NSD2: variants seen among roughly 807,000 people sequenced by gnomAD.
The protein encoded by NSD2 is nuclear receptor binding SET domain protein 2, also known as histone-lysine N-methyltransferase NSD2.
Under a neutral mutation model 139.0 loss-of-function variants are expected in NSD2, and 12 were observed. The observed-to-expected ratio is 0.09, with a 90% CI of 0.06 to 0.14. The LOEUF is 0.14. Among genes scored for constraint, NSD2 ranks in the 10% least tolerant of loss-of-function variants. NSD2 has a pLI of 1.00. For synonymous variants in NSD2, 669 were observed against 648.7 expected (o/e 1.03, Z -0.48); for missense variants, 1,155 against 1,745.0 (o/e 0.66, Z 6.02).
Position 1,948,038 on chromosome 4 carries a change from A to G in NSD2, c.1882-3034A>G. 1.9e-6 allele frequency: 2 copies of G among 1,056,538 alleles called. No individual in the cohort carries two copies. The highest frequency in any genetic ancestry group is 2.3e-6 in the Non-Finnish European group (2 of 873,638). The allele number at this position is 1,056,538 out of a possible 1,614,324, so 65.4% of individuals were successfully genotyped here. On this transcript the variant is annotated intron_variant, in intron 9 of 21. Transcript: ENST00000508803. The surrounding 1 kb of genome is among the most constrained non-coding windows in gnomAD (Gnocchi z 4.5). ...TAATATCATCTTGAAAAGTCCCTGT[A>G]ATAGATCAAGGAGACTGCATTCCCT...
intron 1 of NSD2, among the ~76,000 whole-genome samples, chr4:1,887,320 GTTC>G (rs774539765): frequency 3.0e-4 from 45 of 152,178 alleles, no homozygotes; most frequent in Non-Finnish European, 4.6e-4. Context: ...CTTTTGACAT[GTTC>G]TTCTTTTTTT....
At chr4:1,901,313 T>C (rs921019531) in intron 2 of NSD2, 62 bp downstream of exon 2, 3 of 1,384,476 alleles carry the variant, frequency 2.2e-6, no homozygotes, top group African/African-American at 2.9e-5. Context: ...GGCCACCCTA[T>C]GAGGGCACCT....
intron 3 of NSD2, among the ~76,000 whole-genome samples, chr4:1,910,582 A>G (rs1718535921): frequency 6.6e-6 from 1 of 152,142 alleles, no homozygotes; most frequent in African/African-American, 2.4e-5. Flanking sequence ...TTTCTGTGTT[A>G]TGGAAGGGAA....
In NSD2 at chr4:1,981,682, C is replaced by G; in HGVS notation, c.*2773C>G. 1 of 394,612 alleles carries G rather than the reference C, an allele frequency of 2.5e-6. No homozygotes were observed. Among genetic ancestry groups the G allele is most frequent in the Non-Finnish European group, 4.5e-6 (1 of 224,016 alleles). The allele number at this position is 394,612 out of a possible 1,614,324, so 24.4% of individuals were successfully genotyped here. On this transcript the variant is annotated 3_prime_UTR_variant, in exon 22 of 22. Coordinates refer to ENST00000508803, the MANE Select transcript of NSD2 (RefSeq NM_001042424.3). ...GACACCCGTCCATGGCTGGCTGGGT[C>G]CCCTTCGCAGTGTTTGTCTGTCTTG...
chr4:1,888,113 C>T (rs1325663014), intron 1 of NSD2, among the ~76,000 whole-genome samples: 4 of 152,004 alleles, frequency 2.6e-5, no homozygotes, highest in African/African-American at 2.4e-5. Flanking sequence ...TGTGAGGCAA[C>T]GTTTATTAAG....
chr4:1,924,570 C>G (rs1362799311), intron 5 of NSD2, among the ~76,000 whole-genome samples: 2 of 152,012 alleles, frequency 1.3e-5, no homozygotes, highest in African/African-American at 4.8e-5. Flanking sequence ...TCTGGATTGG[C>G]ACTATACTAA....
At chr4:1,901,564 C>T (rs1169867256) in intron 2 of NSD2, among the ~76,000 whole-genome samples, 1 of 152,374 alleles carries the variant, frequency 6.6e-6, no homozygotes, top group Non-Finnish European at 1.5e-5. Flanking sequence ...TTTCAGAGCC[C>T]TTGCTTGACA....
At chr4:1,926,150 ATTTTTTTT>A (rs35448464) in intron 5 of NSD2, among the ~76,000 whole-genome samples, 1 of 121,536 alleles carries the variant, frequency 8.2e-6, no homozygotes, top group Non-Finnish European at 1.7e-5. Flanking sequence ...TTGGGCCTGA[ATTTTTTTT>A]TTTTTTTTTT....
At chr4:1,934,882 T>A (rs28731134) in intron 6 of NSD2, among the ~76,000 whole-genome samples, 9 of 83,168 alleles carry the variant, frequency 1.1e-4, no homozygotes, top group East Asian at 3.4e-4. Flanking sequence ...AAAAAAAATA[T>A]ATATATATAT....
chr4:1,947,584 T>A (rs916013250), intron 9 of NSD2: 1 of 1,053,420 alleles, frequency 9.5e-7, no homozygotes, highest in Non-Finnish European at 1.1e-6. Context: ...AATTCCACTT[T>A]AACATTTTAC....
At position 1,981,074 on chromosome 4, in the gene NSD2, G is replaced by A. The variant is rs1032178758; in HGVS notation, c.*2165G>A. ...GCTTTGCAGTGCACTTTGGGGAGCA[G>A]ATATTAACTTATTTTTGTGTTGGAC... On this transcript the variant is annotated 3_prime_UTR_variant, in exon 22 of 22. Transcript: ENST00000508803. 6.9e-5 allele frequency: 16 copies of A among 233,118 alleles called. No individual in the cohort carries two copies. Among genetic ancestry groups the A allele is most frequent in the Admixed American group, 2.8e-4 (5 of 17,772 alleles). 14.4% of individuals were successfully genotyped at this position (233,118 alleles called of 1,614,324 possible). A position where few individuals can be genotyped will look rare whatever the true frequency, so the allele number is the denominator to read the frequency against.
chr4:1,975,512 AC>A, intron 20 of NSD2, 112 bp downstream of exon 20: 2 of 963,494 alleles, frequency 2.1e-6, no homozygotes, highest in Non-Finnish European at 3.2e-6. Context: ...TGTTGCCGGG[AC>A]AGGTGGGAGC....
intron 1 of NSD2, among the ~76,000 whole-genome samples, chr4:1,881,205 G>T (rs375203591): frequency 8.5e-5 from 13 of 152,052 alleles, no homozygotes; most frequent in African/African-American, 2.9e-4. Context: ...AGCCTCCTGC[G>T]TAGCTGGGAC....
chr4:1,941,323 T>C (rs1723071670), intron 9 of NSD2: 3 of 1,054,374 alleles, frequency 2.8e-6, no homozygotes, highest in African/African-American at 1.7e-5. Context: ...TTGTTGCTTA[T>C]ACTGTTGTCA....
In NSD2 at chr4:1,973,461, C is replaced by T. The variant is rs766126997; in HGVS notation, c.3373-1402C>T. On this transcript the variant is annotated intron_variant, in intron 18 of 21. Transcript: ENST00000508803. The surrounding 1 kb of genome is among the most constrained non-coding windows in gnomAD (Gnocchi z 5.5). ...CGTGCACATCAGCACCGCGGCTCAG[C>T]GCGTCATGACAAAGCATCTGCAGAG... Among the ~76,000 whole-genome samples the T allele has an allele frequency of 8.5e-5, 13 of 152,240 alleles. No individual in the cohort carries two copies. Among genetic ancestry groups the T allele is most frequent in the African/African-American group, 1.2e-4 (5 of 41,460 alleles).
At chr4:1,963,458 GTTAT>G (rs1269377199) in intron 18 of NSD2, among the ~76,000 whole-genome samples, 37 of 152,300 alleles carry the variant, frequency 2.4e-4, no homozygotes, top group Admixed American at 2.4e-3. Context: ...GGGCAGGGAG[GTTAT>G]TTGTTAGACA....
chr4:1,879,906 G>A (rs1017924627), intron 1 of NSD2, among the ~76,000 whole-genome samples: 1 of 151,686 alleles, frequency 6.6e-6, no homozygotes, highest in Non-Finnish European at 1.5e-5. Context: ...GCCCTCTTAT[G>A]ACAGTTAGCA....
chr4:1,938,412 C>CT (rs1159337292), intron 7 of NSD2, 39 bp from the exon 8 acceptor site: 261 of 644,990 alleles, frequency 4.0e-4, no homozygotes, highest in African/African-American at 1.5e-3. Context: ...TTTTTTTTTT[C>CT]TTTCTTTTTT....
intron 8 of NSD2, 104 bp downstream of exon 8, chr4:1,938,636 G>T (rs577251424): frequency 2.2e-6 from 2 of 929,690 alleles, no homozygotes; most frequent in East Asian, 2.6e-5. Flanking sequence ...TGGTGAAGGG[G>T]AACAGGGCAG....
Sources: allele counts gnomAD v4.1 joint callset (sites outside exome capture counted in the v4.1 genomes callset), GRCh38; gene constraint gnomAD v4.1.1; non-coding constraint Gnocchi (gnomAD v3.1); transcripts MANE v1.5; gene names NCBI Gene and HGNC (gene_info 2026-07-23, HGNC 2026-07-21).